VPS35L: variants seen among roughly 807,000 people sequenced by gnomAD.
The protein encoded by VPS35L is VPS35 endosomal protein-sorting factor-like.
Under a neutral mutation model 133.0 loss-of-function variants are expected in VPS35L, and 83 were observed. That is an observed-to-expected ratio of 0.62 (90% confidence interval 0.52 to 0.75). The LOEUF (loss-of-function observed/expected upper bound fraction) is 0.75, where lower values mean the gene tolerates loss of function less well. Among genes scored for constraint, VPS35L ranks in the 30% least tolerant of loss-of-function variants. VPS35L has a pLI of 0.00. For synonymous variants in VPS35L, 423 were observed against 449.9 expected, an observed-to-expected ratio of 0.94 and a Z score of 0.76; for missense variants, 1,083 against 1,206.8, an observed-to-expected ratio of 0.90 and a Z score of 1.52.
rs200464246 is a variant in VPS35L, at chr16:19,699,569, G to C, written c.2714G>C (p.Arg905Pro). 6.2e-7 allele frequency: 1 copy of C among 1,614,164 alleles called. No individual in the cohort carries two copies. Among genetic ancestry groups the C allele is most frequent in the Middle Eastern group, 1.6e-4 (1 of 6,062 alleles). ...FNSILAHGDL[R>P]NNKLNQLSVN... is the part of the protein sequence containing the mutation. ...AGCATCTTGGCCCATGGGGACCTAC[G>C]CAACAACAAGCTCAACCAGCTCTCC... The change falls in exon 30 of 31, where the codon CGC (arginine) becomes CCC (proline). Residue 905 changes from arginine (R) to proline (P), a missense_variant. Arg to Pro is a moderately radical substitution (Grantham distance 103). Coordinates refer to ENST00000417362, the MANE Select transcript of VPS35L (RefSeq NM_020314.7). The surrounding 1 kb of genome is among the most constrained non-coding windows in gnomAD (Gnocchi z 4.2).
intron 1 of VPS35L, 141 bp from the exon 2 acceptor site, chr16:19,564,710 T>C: frequency 1.6e-6 from 1 of 630,116 alleles, no homozygotes; most frequent in Non-Finnish European, 2.7e-6. Context: ...AAAAGTTTGT[T>C]TTTAAATGTA....
chr16:19,587,602 C>G (rs1247014401), intron 7 of VPS35L, among the ~76,000 whole-genome samples: 3 of 150,058 alleles, frequency 2.0e-5, no homozygotes, highest in African/African-American at 4.9e-5. Context: ...CCATTGCACT[C>G]CAGCCTGGGC....
At position 19,668,432 on chromosome 16, in the gene VPS35L, G is replaced by A. The variant is rs557001595; in HGVS notation, c.2222-728G>A. Among the ~76,000 whole-genome samples, 18 of 151,690 alleles carry A rather than the reference G, an allele frequency of 1.2e-4. No homozygotes were observed. The East Asian group carries it at 2.9e-3, about 24-fold the overall frequency. Reference sequence around the variant, plus strand: ...TGCTCTCCCTCATCCCTTCCACCCCGTCTCCTGTTGTGCACACACATTCTC... The same window carrying A: ...TGCTCTCCCTCATCCCTTCCACCCCATCTCCTGTTGTGCACACACATTCTC... On this transcript the variant is annotated intron_variant, in intron 26 of 30. Coordinates refer to ENST00000417362, the MANE Select transcript of VPS35L (RefSeq NM_020314.7).
At position 19,581,673 on chromosome 16, in the gene VPS35L, C is replaced by CA; in HGVS notation, c.639+21dup. On this transcript the variant is annotated intron_variant, in intron 7 of 30. Coordinates refer to ENST00000417362, the MANE Select transcript of VPS35L (RefSeq NM_020314.7). ...ATCCAGGTTAGCTCTAGTGATCCCC[C>CA]ACCCCCACCCAGAATTTCCTATGTA... 4.4e-6 allele frequency: 7 copies of CA among 1,605,632 alleles called. No individual in the cohort carries two copies. The highest frequency in any genetic ancestry group is 2.2e-5 in the East Asian group (1 of 44,682).
At chr16:19,656,004 C>T (rs891172497) in intron 26 of VPS35L, among the ~76,000 whole-genome samples, 3 of 151,862 alleles carry the variant, frequency 2.0e-5, no homozygotes, top group Admixed American at 1.3e-4. Flanking sequence ...GGCTTATGCC[C>T]ATAATCCCAG....
intron 27 of VPS35L, among the ~76,000 whole-genome samples, chr16:19,674,184 C>CTTTTT (rs201038834): frequency 3.2e-3 from 227 of 70,878 alleles, no homozygotes; most frequent in African/African-American, 3.8e-3. Flanking sequence ...TTTTCTTTTT[C>CTTTTT]TTTTTTTTTT....
chr16:19,652,167 TAG>T (rs1974152170), intron 26 of VPS35L, 77 bp downstream of exon 26: 2 of 1,008,962 alleles, frequency 2.0e-6, no homozygotes, highest in Non-Finnish European at 3.0e-6. Flanking sequence ...CGTATGTGTG[TAG>T]AGAGAGACAA....
At chr16:19,594,644 C>CAAAAAAAAAA (rs57187565) in intron 8 of VPS35L, among the ~76,000 whole-genome samples, 12 of 31,476 alleles carry the variant, frequency 3.8e-4, no homozygotes, top group African/African-American at 6.3e-4. Context: ...GATTTCGTCT[C>CAAAAAAAAAA]AAAAAAAAAA....
At chr16:19,661,413 T>C (rs1276588321) in intron 26 of VPS35L, among the ~76,000 whole-genome samples, 21 of 152,170 alleles carry the variant, frequency 1.4e-4, no homozygotes, top group Non-Finnish European at 4.4e-5. Flanking sequence ...TTTAGCCTCT[T>C]AGAATGTGGA....
Position 19,663,510 on chromosome 16 carries a change from T to A in VPS35L, c.2222-5650T>A, listed in dbSNP as rs187869751. Among the ~76,000 whole-genome samples the A allele has an allele frequency of 2.2e-3, 336 of 150,538 alleles. 1 individual carries two copies. Among genetic ancestry groups the A allele is most frequent in the Non-Finnish European group, 3.7e-3 (253 of 67,572 alleles). The stretch of plus-strand genomic sequence containing the variant: ...TATACAGCTGTGTGACTTTTTGTCC[T>A]TTTTTTTTCTTTTTTTCCCCCGCCA... On this transcript the variant is annotated intron_variant, in intron 26 of 30. Coordinates refer to ENST00000417362, the MANE Select transcript of VPS35L (RefSeq NM_020314.7).
At chr16:19,591,537 G>A (rs956256956) in intron 7 of VPS35L, among the ~76,000 whole-genome samples, 24 of 150,096 alleles carry the variant, frequency 1.6e-4, no homozygotes, top group Non-Finnish European at 3.2e-4. Flanking sequence ...GCAACATAGC[G>A]AGACCCCATC....
Position 19,691,487 on chromosome 16 carries a change from T to C in VPS35L, c.2646+16T>C. On this transcript the variant is annotated intron_variant, in intron 29 of 30. Transcript: ENST00000417362. ...CAAGGACGAGGTGGGTGCCCTCTGC[T>C]GTCCTCCACCCGCCCCTTGCTCTGA... is the stretch of plus-strand genomic sequence containing the variant. The C allele has an allele frequency of 1.9e-6, 3 of 1,586,158 alleles. No individual in the cohort carries two copies. Among genetic ancestry groups the C allele is most frequent in the Non-Finnish European group, 1.7e-6 (2 of 1,154,650 alleles).
chr16:19,664,865 A>G (rs1974610189), intron 26 of VPS35L, among the ~76,000 whole-genome samples: 1 of 151,416 alleles, frequency 6.6e-6, no homozygotes. Context: ...ACATCACCGC[A>G]TTCCAGCCTG....
chr16:19,626,798 T>C (rs1371745744), intron 15 of VPS35L, among the ~76,000 whole-genome samples: 2 of 152,012 alleles, frequency 1.3e-5, no homozygotes, highest in Non-Finnish European at 2.9e-5. Context: ...AATAGTTATT[T>C]CCCCATGGGG....
chr16:19,574,973 G>T (rs1971485908), intron 4 of VPS35L, 125 bp from the exon 5 acceptor site: 1 of 787,188 alleles, frequency 1.3e-6, no homozygotes. Flanking sequence ...GTGGTTTTTA[G>T]TGACTGTATT....
intron 15 of VPS35L, among the ~76,000 whole-genome samples, chr16:19,626,597 A>T (rs1456687313): frequency 1.3e-5 from 2 of 151,908 alleles, no homozygotes; most frequent in Non-Finnish European, 1.5e-5. Flanking sequence ...CCCCATCTCT[A>T]CTAAAAATAC....
chr16:19,612,055 C>G (rs564543547), intron 12 of VPS35L, among the ~76,000 whole-genome samples: 93 of 151,292 alleles, frequency 6.1e-4, no homozygotes, highest in African/African-American at 2.2e-3. Flanking sequence ...TCTTCTGCTG[C>G]AGCCTCCCGA....
At chr16:19,652,474 G>A (rs1974164486) in intron 26 of VPS35L, 1 of 170,130 alleles carries the variant, frequency 5.9e-6, no homozygotes, top group Non-Finnish European at 1.3e-5. Context: ...CTGAACCACT[G>A]TGCTCAACCA....
chr16:19,697,774 CCTTT>C (rs1193178344), intron 29 of VPS35L, among the ~76,000 whole-genome samples: 1 of 152,154 alleles, frequency 6.6e-6, no homozygotes, highest in Non-Finnish European at 1.5e-5. Flanking sequence ...GCAAGTCAGC[CCTTT>C]CTGAGTGCGA....
Sources: gnomAD v4.1 joint callset for allele counts (sites outside exome capture counted in the v4.1 genomes callset) on GRCh38, gnomAD v4.1.1 for gene constraint, Gnocchi (gnomAD v3.1) non-coding constraint, MANE v1.5 for transcripts, NCBI Gene and HGNC (gene_info 2026-07-23, HGNC 2026-07-21) for gene names.